The following FAM117B variants were observed in gnomAD, a reference collection of about 807,000 sequenced individuals.
FAM117B encodes family with sequence similarity 117 member B.
In FAM117B, 22 loss-of-function variants were observed where a neutral mutation model predicts 52.8. The ratio of observed to expected loss-of-function variants is 0.42; its 90% CI spans 0.30 to 0.59. The LOEUF is 0.59. Ranked by LOEUF, FAM117B falls within the 20% of genes least tolerant of loss-of-function variation. FAM117B has a pLI of 0.22. For missense variants in FAM117B, 678 were observed against 802.6 expected, an observed-to-expected ratio of 0.84 and a Z score of 1.88; for synonymous variants, 309 against 324.1, an observed-to-expected ratio of 0.95 and a Z score of 0.50.
Position 202,635,231 on chromosome 2 carries a change from G to C in FAM117B, c.44G>C (p.Gly15Ala). ...CGCAATGGGTCCCCCACGCCGGCCGGCTCCCTTGGGGGTGGTGCGGTGGCC... is the reference window on the plus strand; with the variant it reads ...CGCAATGGGTCCCCCACGCCGGCCGCCTCCCTTGGGGGTGGTGCGGTGGCC... ...VRRNGSPTPA[G>A]SLGGGAVATA... is the part of the protein sequence containing the mutation. Residue 15 changes from glycine to alanine, a missense_variant, in exon 1 of 8, where the codon GGC (glycine) becomes GCC (alanine). Around this residue, in one of 3 missense-constraint regions of FAM117B, gnomAD observed 583 missense variants for 644.8 expected, o/e 0.90. Transcript: ENST00000392238. The C allele has an allele frequency of 7.6e-7, 1 of 1,308,956 alleles. No individual in the cohort carries two copies. Among genetic ancestry groups the C allele is most frequent in the Non-Finnish European group, 9.7e-7 (1 of 1,027,534 alleles). 81.1% of individuals were successfully genotyped at this position (1,308,956 alleles called of 1,614,324 possible). A position where few individuals can be genotyped will look rare whatever the true frequency, so the allele number is the denominator to read the frequency against.
chr2:202,635,938 G>C (rs1333769986), intron 1 of FAM117B, 150 bp downstream of exon 1: 2 of 991,842 alleles, frequency 2.0e-6, no homozygotes, highest in African/African-American at 1.7e-5. Flanking sequence ...TGGGGGACCC[G>C]GCAGTGCGGC....
At chr2:202,727,712 A>AG (rs1484523609) in intron 4 of FAM117B, among the ~76,000 whole-genome samples, 1 of 152,050 alleles carries the variant, frequency 6.6e-6, no homozygotes, top group Non-Finnish European at 1.5e-5. Context: ...TGGTATTTGG[A>AG]GGGGGGTCCT....
At position 202,635,675 on chromosome 2, in the gene FAM117B, G is replaced by C; in HGVS notation, c.488G>C (p.Gly163Ala). 7.1e-7 allele frequency: 1 copy of C among 1,399,770 alleles called. No individual in the cohort carries two copies. The highest frequency in any genetic ancestry group is 1.5e-5 in the South Asian group (1 of 67,188). The allele number at this position is 1,399,770 out of a possible 1,614,324, so 86.7% of individuals were successfully genotyped here. A position where few individuals can be genotyped will look rare whatever the true frequency, so the allele number is the denominator to read the frequency against. The part of the protein sequence containing the change: ...PSSSPTHLWT[G>A]EVSAAPPPAR... Reference sequence around the variant, plus strand: ...TCGTCGCCCACCCACCTGTGGACCGGCGAGGTGAGCGCGGCCCCACCCCCA... The same window carrying C: ...TCGTCGCCCACCCACCTGTGGACCGCCGAGGTGAGCGCGGCCCCACCCCCA... The change falls in exon 1 of 8, where the codon GGC becomes GCC. Residue 163 changes from glycine (G) to alanine (A), a missense_variant. Physicochemically the swap from Gly to Ala is moderately conservative, Grantham distance 60. Transcript: ENST00000392238.
At chr2:202,669,564 T>C (rs1325366073) in intron 1 of FAM117B, among the ~76,000 whole-genome samples, 1 of 152,148 alleles carries the variant, frequency 6.6e-6, no homozygotes, top group African/African-American at 2.4e-5. Context: ...GTTAACTGAA[T>C]CAAATTTGAA....
rs760217416 is a variant in FAM117B, at chr2:202,757,377, T to C, written c.1269T>C (p.Asn423=). 5 of 1,614,034 alleles carry C rather than the reference T, an allele frequency of 3.1e-6. No individual in the cohort carries two copies. The highest frequency in any genetic ancestry group is 4.2e-6 in the Non-Finnish European group (5 of 1,180,016). ...CAACATCGTTCCTCACCATTTCCAA[T>C]GAAGGTAGCGAGGAGAGTCCTTGCT... ...VSPTSFLTIS[N]EGSEESPCSA... is the part of the protein sequence containing the mutation. Residue 423 remains asparagine, a synonymous_variant, in exon 6 of 8, where the codon AAT becomes AAC. Coordinates refer to ENST00000392238, the MANE Select transcript of FAM117B (RefSeq NM_173511.4).
chr2:202,747,908 TATTA>T (rs1047633523), intron 4 of FAM117B, among the ~76,000 whole-genome samples: 2 of 152,280 alleles, frequency 1.3e-5, no homozygotes, highest in Admixed American at 6.5e-5. Flanking sequence ...GCAATTAAAA[TATTA>T]ATTGTTTATG....
chr2:202,696,971 A>C (rs1690720845), intron 2 of FAM117B, among the ~76,000 whole-genome samples: 1 of 152,208 alleles, frequency 6.6e-6, no homozygotes, highest in South Asian at 2.1e-4. Context: ...TGGGAGGCTG[A>C]GGCAGGAGAA....
intron 1 of FAM117B, among the ~76,000 whole-genome samples, chr2:202,684,745 T>C (rs1378161840): frequency 6.6e-6 from 1 of 152,172 alleles, no homozygotes; most frequent in Non-Finnish European, 1.5e-5. Context: ...TTAAATAAGA[T>C]GTCTTTAACA....
chr2:202,766,102 A>ACC lies in FAM117B; in HGVS notation c.*339_*340insCC, dbSNP rs1553526374. ...CACACACACACACACACACACACAC[A>ACC]CACACCCCTGATCCTTGCCAACATG... On this transcript the variant is annotated 3_prime_UTR_variant, in exon 8 of 8. Transcript: ENST00000392238. 0.061 allele frequency: 11,748 copies of ACC among 191,766 alleles called. 493 individuals are homozygous for ACC. The highest frequency in any genetic ancestry group is 0.098 in the Middle Eastern group (44 of 450). The allele number at this position is 191,766 out of a possible 1,614,324, so 11.9% of individuals were successfully genotyped here.
At chr2:202,734,371 A>G (rs1432450158) in intron 4 of FAM117B, among the ~76,000 whole-genome samples, 1 of 152,176 alleles carries the variant, frequency 6.6e-6, no homozygotes, top group Non-Finnish European at 1.5e-5. Flanking sequence ...AACAGCAACA[A>G]CAAAAAACCC....
chr2:202,641,647 T>A (rs866532638), intron 1 of FAM117B, among the ~76,000 whole-genome samples: 3 of 151,616 alleles, frequency 2.0e-5, no homozygotes, highest in African/African-American at 7.3e-5. Context: ...TTTTCTTTTT[T>A]TTTTTTTTTG....
At chr2:202,720,598 A>G (rs974496919) in intron 2 of FAM117B, among the ~76,000 whole-genome samples, 4 of 147,228 alleles carry the variant, frequency 2.7e-5, no homozygotes, top group Admixed American at 6.9e-5. Context: ...AATTTCCCCA[A>G]TATGTCTTTT....
At chr2:202,637,130 C>T (rs1689698662) in intron 1 of FAM117B, among the ~76,000 whole-genome samples, 1 of 151,882 alleles carries the variant, frequency 6.6e-6, no homozygotes, top group South Asian at 2.1e-4. Context: ...CTCCTGACCT[C>T]AGGTGAAACG....
At chr2:202,680,642 A>G (rs181316244) in intron 1 of FAM117B, among the ~76,000 whole-genome samples, 50 of 152,354 alleles carry the variant, frequency 3.3e-4, no homozygotes, top group African/African-American at 8.7e-4. Flanking sequence ...GCCAAAAAAA[A>G]GGGCAAATTT....
At chr2:202,644,072 T>TTTTTTTTTTTTTTC (rs1689819328) in intron 1 of FAM117B, among the ~76,000 whole-genome samples, 1 of 146,186 alleles carries the variant, frequency 6.8e-6, no homozygotes, top group Non-Finnish European at 1.5e-5. Context: ...TTGTTTTTTT[T>TTTTTTTTTTTTTTC]TTTTTTTTTT....
intron 1 of FAM117B, among the ~76,000 whole-genome samples, chr2:202,662,619 G>A (rs1187683514): frequency 6.6e-6 from 1 of 152,066 alleles, no homozygotes; most frequent in East Asian, 1.9e-4. Context: ...GAGGCGGGTG[G>A]ATCACAAGGT....
At chr2:202,639,042 G>A (rs962461973) in intron 1 of FAM117B, among the ~76,000 whole-genome samples, 1 of 152,274 alleles carries the variant, frequency 6.6e-6, no homozygotes, top group Non-Finnish European at 1.5e-5. Flanking sequence ...CTTTGTAAAC[G>A]TCAGAGTCCC....
intron 1 of FAM117B, among the ~76,000 whole-genome samples, chr2:202,689,716 G>C (rs1690592554): frequency 6.6e-6 from 1 of 152,072 alleles, no homozygotes; most frequent in South Asian, 2.1e-4. Context: ...TCAGGAGTTT[G>C]AGACCAACTT....
intron 2 of FAM117B, among the ~76,000 whole-genome samples, chr2:202,699,426 C>CAAAAAAAAAAAAAAAAAAAA (rs751190825): frequency 6.4e-3 from 114 of 17,690 alleles, no homozygotes; most frequent in Non-Finnish European, 9.0e-3. Context: ...GACCCCATCT[C>CAAAAAAAAAAAAAAAAAAAA]AAAAAAAAAA....
Sources: gnomAD v4.1 joint callset for allele counts (sites outside exome capture counted in the v4.1 genomes callset) on GRCh38, gnomAD v4.1.1 for gene constraint, gnomAD v4.1.1 regional missense constraint, MANE v1.5 for transcripts, NCBI Gene and HGNC (gene_info 2026-07-23, HGNC 2026-07-21) for gene names.